Variants in COX7B2 observed in about 807,000 individuals in gnomAD.
COX7B2 encodes the protein cytochrome c oxidase subunit 7B2, mitochondrial.
For missense variants in COX7B2, 109 were observed against 95.9 expected (o/e 1.14, Z -0.57); for synonymous variants, 37 against 32.1 (o/e 1.15, Z -0.51).
intron 2 of COX7B2, among the ~76,000 whole-genome samples, chr4:46,787,682 CAG>C (rs1206386889): frequency 6.6e-6 from 1 of 152,150 alleles, no homozygotes; most frequent in East Asian, 1.9e-4. Context: ...GCTAAGGAAA[CAG>C]TGTCTAGCAG....
intron 1 of COX7B2, among the ~76,000 whole-genome samples, chr4:46,862,532 A>G (rs192841462): frequency 3.3e-5 from 5 of 152,334 alleles, no homozygotes; most frequent in Admixed American, 3.3e-4. Flanking sequence ...AATGCTTTTC[A>G]AAGTCATGTG....
Position 46,907,561 on chromosome 4 carries a change from A to G in COX7B2, c.-105+1599T>C, listed in dbSNP as rs370229680. On this transcript the variant is annotated intron_variant, in intron 1 of 2. Transcript: ENST00000355591. The stretch of plus-strand genomic sequence containing the variant: ...ATTTATGAAAATCTATATGGTCTTT[A>G]CAAGAAGGGTTCCCATTGCTTTTTA... Among the ~76,000 whole-genome samples, 8 of 152,264 alleles carry G rather than the reference A, an allele frequency of 5.3e-5. No individual in the cohort carries two copies. In the East Asian group the frequency reaches 7.7e-4, roughly 15 times the overall value.
chr4:46,880,485 A>T (rs1322601227), intron 1 of COX7B2, among the ~76,000 whole-genome samples: 2 of 135,460 alleles, frequency 1.5e-5, no homozygotes, highest in African/African-American at 5.5e-5. Flanking sequence ...TTATTGGCCT[A>T]TGCAGGAAGA....
chr4:46,838,747 CTG>C (rs1306827842), intron 2 of COX7B2, among the ~76,000 whole-genome samples: 2 of 152,182 alleles, frequency 1.3e-5, no homozygotes, highest in East Asian at 3.9e-4. Flanking sequence ...TGGGAAAACT[CTG>C]TGTGTCACAG....
chr4:46,776,101 C>T lies in COX7B2; in HGVS notation c.-49-40860G>A, dbSNP rs137874384. Among the ~76,000 whole-genome samples the T allele has an allele frequency of 6.5e-3, 986 of 151,994 alleles. 9 individuals are homozygous for T. The highest frequency in any genetic ancestry group is 0.022 in the African/African-American group (917 of 41,472). ...CATACTTCCTGACAACAGACAATTA[C>T]AGGCAGGTTGAAATGCATATACCAT... On this transcript the variant is annotated intron_variant, in intron 2 of 2. Transcript: ENST00000355591.
chr4:46,871,651 AC>A (rs926517910), intron 1 of COX7B2, among the ~76,000 whole-genome samples: 8 of 151,996 alleles, frequency 5.3e-5, no homozygotes, highest in Non-Finnish European at 7.4e-5. Flanking sequence ...AAAAAAAAAA[AC>A]ATTGAAAAGT....
intron 1 of COX7B2, among the ~76,000 whole-genome samples, chr4:46,884,529 T>C (rs1000495274): frequency 6.6e-6 from 1 of 152,150 alleles, no homozygotes; most frequent in African/African-American, 2.4e-5. Context: ...AGTGGAGTAC[T>C]GTTAGTATAA....
chr4:46,905,904 A>C (rs1274150818), intron 1 of COX7B2, among the ~76,000 whole-genome samples: 6 of 129,996 alleles, frequency 4.6e-5, no homozygotes, highest in Non-Finnish European at 9.2e-5. Context: ...ATCTCAGCTC[A>C]CTGCAAGCTC....
intron 1 of COX7B2, among the ~76,000 whole-genome samples, chr4:46,871,794 C>A (rs1035206800): frequency 2.6e-5 from 4 of 151,806 alleles, no homozygotes; most frequent in Non-Finnish European, 5.9e-5. Flanking sequence ...TTCCTTCCAC[C>A]AGTCAAAATG....
At chr4:46,831,091 G>A (rs968354111) in intron 2 of COX7B2, among the ~76,000 whole-genome samples, 2 of 152,136 alleles carry the variant, frequency 1.3e-5, no homozygotes, top group Admixed American at 1.3e-4. Context: ...AGGCCAGCTA[G>A]AGTTCCGGGT....
chr4:46,777,592 T>C (rs1434078253), intron 2 of COX7B2, among the ~76,000 whole-genome samples: 4 of 152,090 alleles, frequency 2.6e-5, no homozygotes, highest in Admixed American at 1.3e-4. Context: ...ATGGGGGAAC[T>C]TGCCTCAGAA....
intron 2 of COX7B2, among the ~76,000 whole-genome samples, chr4:46,831,836 T>C (rs1052242003): frequency 4.6e-5 from 7 of 152,066 alleles, no homozygotes; most frequent in African/African-American, 1.7e-4. Context: ...GCTGATCTGG[T>C]GAGGACTTGG....
rs768199102 is a variant in COX7B2 at position 46,898,941 on chromosome 4, T to C, written c.-105+10219A>G. On this transcript the variant is annotated intron_variant, in intron 1 of 2. Transcript: ENST00000355591. The stretch of plus-strand genomic sequence containing the variant: ...ACAGTGTACCATAAACCTACTATAG[T>C]GTAACCTCATGAAGGAAGGGACTGT... Among the ~76,000 whole-genome samples the C allele has an allele frequency of 4.6e-5, 7 of 152,164 alleles. No homozygotes were observed. In the South Asian group the frequency reaches 1.5e-3, roughly 32 times the overall value.
intron 1 of COX7B2, among the ~76,000 whole-genome samples, chr4:46,891,934 T>C (rs1172392010): frequency 6.6e-6 from 1 of 152,184 alleles, no homozygotes; most frequent in African/African-American, 2.4e-5. Flanking sequence ...GAAACACATA[T>C]CTTATGTATT....
intron 2 of COX7B2, among the ~76,000 whole-genome samples, chr4:46,808,265 A>AT (rs1236523082): frequency 1.3e-5 from 2 of 150,858 alleles, no homozygotes; most frequent in African/African-American, 2.4e-5. Context: ...GTTCTTGTAT[A>AT]TTTTTTTCTT....
rs1020326635 is a variant in COX7B2, at chr4:46,823,504, C to T, written c.-50+21456G>A. The stretch of plus-strand genomic sequence containing the variant: ...AAATATTTGGAAATTAAACAACACA[C>T]TTCTAAATAACTTATCAATTGAAAA... On this transcript the variant is annotated intron_variant, in intron 2 of 2. Coordinates refer to ENST00000355591, the MANE Select transcript of COX7B2 (RefSeq NM_130902.3). 2.2e-4 allele frequency among the ~76,000 whole-genome samples: 33 copies of T among 151,212 alleles called. 1 individual carries two copies. The highest frequency in any genetic ancestry group is 7.7e-4 in the African/African-American group (32 of 41,430).
At chr4:46,859,330 T>A (rs1483289923) in intron 1 of COX7B2, among the ~76,000 whole-genome samples, 1 of 152,202 alleles carries the variant, frequency 6.6e-6, no homozygotes, top group Non-Finnish European at 1.5e-5. Context: ...CTCCCTCTTT[T>A]TTAACTACTA....
chr4:46,841,751 G>A (rs771148345), intron 2 of COX7B2, among the ~76,000 whole-genome samples: 3 of 151,884 alleles, frequency 2.0e-5, no homozygotes, highest in Non-Finnish European at 2.9e-5. Flanking sequence ...GCCTGTTCAC[G>A]CTGCATTTCT....
chr4:46,798,938 A>G (rs28649107), intron 2 of COX7B2, among the ~76,000 whole-genome samples: 52,683 of 151,982 alleles, frequency 0.35, 9,311 homozygotes, highest in South Asian at 0.48. Flanking sequence ...TTGCACTCAC[A>G]AGCTCTTTCA....
Sources: gnomAD v4.1 joint callset for allele counts (sites outside exome capture counted in the v4.1 genomes callset) on GRCh38, gnomAD v4.1.1 for gene constraint, MANE v1.5 for transcripts, NCBI Gene and HGNC (gene_info 2026-07-23, HGNC 2026-07-21) for gene names.